Variants in TRAF5 observed in about 807,000 individuals in gnomAD.
TRAF5 encodes TNF receptor-associated factor 5.
Under a neutral mutation model 64.5 loss-of-function variants are expected in TRAF5, and 48 were observed. The ratio of observed to expected loss-of-function variants is 0.74; its 90% confidence interval spans 0.59 to 0.95. The LOEUF is 0.95. Ranked by LOEUF, TRAF5 falls within the 40% of genes least tolerant of loss-of-function variation. TRAF5 has a pLI of 0.00. For missense variants in TRAF5, 545 were observed against 662.8 expected, an observed-to-expected ratio of 0.82 and a Z score of 1.95; for synonymous variants, 206 against 240.5, an observed-to-expected ratio of 0.86 and a Z score of 1.33.
At chr1:211,341,044 G>C (rs1386409482) in intron 1 of TRAF5, among the ~76,000 whole-genome samples, 2 of 152,230 alleles carry the variant, frequency 1.3e-5, no homozygotes, top group African/African-American at 4.8e-5. Flanking sequence ...GAAGGGGGAA[G>C]GGGGAGAGAA....
intron 1 of TRAF5, among the ~76,000 whole-genome samples, chr1:211,352,441 TA>T (rs35728825): frequency 3.6e-3 from 275 of 76,122 alleles, no homozygotes; most frequent in East Asian, 4.8e-3. Flanking sequence ...TCACTGTCTC[TA>T]AAAAAAAAAA....
chr1:211,329,573 G>T (rs938426451), intron 1 of TRAF5, among the ~76,000 whole-genome samples: 3 of 152,146 alleles, frequency 2.0e-5, no homozygotes, highest in South Asian at 2.1e-4. Context: ...TCCAATTCCT[G>T]TGTTTTTCCC....
At position 211,374,561 on chromosome 1, in the gene TRAF5, G is replaced by C. The variant is rs545616415; in HGVS notation, c.*1859G>C. 16 of 152,320 alleles carry C rather than the reference G, an allele frequency of 1.1e-4. No individual in the cohort carries two copies. The highest frequency in any genetic ancestry group is 3.1e-4 in the African/African-American group (13 of 41,566). 9.4% of individuals were successfully genotyped at this position (152,320 alleles called of 1,614,324 possible). A position where few individuals can be genotyped will look rare whatever the true frequency, so the allele number is the denominator to read the frequency against. ...ACAACAGGAATATACTGAAGAACTA[G>C]AGTGTCACTGCTGGTGAACTGTGGC... is the stretch of plus-strand genomic sequence containing the variant. On this transcript the variant is annotated 3_prime_UTR_variant, in exon 11 of 11. Coordinates refer to ENST00000261464, the MANE Select transcript of TRAF5 (RefSeq NM_001033910.3).
At chr1:211,355,086 T>C (rs965136651) in intron 3 of TRAF5, among the ~76,000 whole-genome samples, 2 of 151,834 alleles carry the variant, frequency 1.3e-5, no homozygotes, top group East Asian at 3.9e-4. Flanking sequence ...GGCACAAGAA[T>C]CGCTTGAACC....
At position 211,360,965 on chromosome 1, in the gene TRAF5, C is replaced by G. The variant is rs748227934; in HGVS notation, c.622-123C>G. The G allele has an allele frequency of 6.5e-6, 7 of 1,068,936 alleles. No individual in the cohort carries two copies. In the Admixed American group the frequency reaches 8.3e-5, roughly 13 times the overall value. 66.2% of individuals were successfully genotyped at this position (1,068,936 alleles called of 1,614,324 possible). On this transcript the variant is annotated intron_variant, in intron 6 of 10. Transcript: ENST00000261464. ...TCTTCAACTTTCATCATAGCTCTTTCTTGCCAGGCCTCTCTCCTTCTCCTG... is the reference window on the plus strand; with the variant it reads ...TCTTCAACTTTCATCATAGCTCTTTGTTGCCAGGCCTCTCTCCTTCTCCTG...
intron 3 of TRAF5, 60 bp downstream of exon 3, chr1:211,354,527 A>G: frequency 6.4e-7 from 1 of 1,551,544 alleles, no homozygotes; most frequent in South Asian, 1.1e-5. Flanking sequence ...AAGTCAGTGA[A>G]TTGGACATTG....
chr1:211,349,034 TAA>T (rs373131975), intron 1 of TRAF5, among the ~76,000 whole-genome samples: 3 of 84,666 alleles, frequency 3.5e-5, no homozygotes, highest in Admixed American at 1.5e-4. Flanking sequence ...ACTCTGTCTC[TAA>T]AAAAAAAAAA....
At chr1:211,368,869 G>C (rs1013110289) in intron 8 of TRAF5, 1 of 152,248 alleles carries the variant, frequency 6.6e-6, no homozygotes, top group Admixed American at 6.5e-5. Flanking sequence ...CAACTCATAG[G>C]GTTCTTTGAG....
At chr1:211,345,277 T>C (rs941642110) in intron 1 of TRAF5, among the ~76,000 whole-genome samples, 1 of 152,028 alleles carries the variant, frequency 6.6e-6, no homozygotes, top group Admixed American at 6.6e-5. Context: ...GCTGGTCTCA[T>C]ACTCCTGAGC....
rs544146447 is a variant in TRAF5 at position 211,373,035 on chromosome 1, G to A, written c.*333G>A. 23 of 179,732 alleles carry A rather than the reference G, an allele frequency of 1.3e-4. No homozygotes were observed. Among genetic ancestry groups the A allele is most frequent in the African/African-American group, 5.4e-4 (23 of 42,316 alleles). The allele number at this position is 179,732 out of a possible 1,614,324, so 11.1% of individuals were successfully genotyped here. ...CACTCTAAATATTGAGTGTTATGGA[G>A]GACACAGAGGTAGCAGAATCCCAGT... On this transcript the variant is annotated 3_prime_UTR_variant, in exon 11 of 11. Transcript: ENST00000261464.
chr1:211,346,987 T>G (rs1405533835), intron 1 of TRAF5, among the ~76,000 whole-genome samples: 2 of 152,350 alleles, frequency 1.3e-5, no homozygotes, highest in Middle Eastern at 6.8e-3. Flanking sequence ...TTAACAACTC[T>G]TCAGTAGGAG....
chr1:211,327,026 G>A, intron 1 of TRAF5, 137 bp downstream of exon 1: 1 of 743,898 alleles, frequency 1.3e-6, no homozygotes, highest in Non-Finnish European at 1.6e-6. Context: ...GTCCCCGACC[G>A]GCGGGGAGGG....
Position 211,369,399 on chromosome 1 carries a change from A to G in TRAF5, c.790-53A>G, listed in dbSNP as rs540112651. The G allele has an allele frequency of 8.5e-6, 12 of 1,415,224 alleles. No individual in the cohort carries two copies. In the South Asian group the frequency reaches 1.8e-4, roughly 21 times the overall value. The allele number at this position is 1,415,224 out of a possible 1,614,324, so 87.7% of individuals were successfully genotyped here. Reference sequence around the variant, plus strand: ...GCAAGTGCATGCATATTTTAACTATATGCATGCAGTTATATTCAGTGACTT... The same window carrying G: ...GCAAGTGCATGCATATTTTAACTATGTGCATGCAGTTATATTCAGTGACTT... On this transcript the variant is annotated intron_variant, in intron 8 of 10. Coordinates refer to ENST00000261464, the MANE Select transcript of TRAF5 (RefSeq NM_001033910.3).
At chr1:211,363,172 C>T (rs1219865486) in intron 7 of TRAF5, among the ~76,000 whole-genome samples, 1 of 151,958 alleles carries the variant, frequency 6.6e-6, no homozygotes, top group Non-Finnish European at 1.5e-5. Flanking sequence ...ACACATTGAC[C>T]CTGCATTTCT....
At position 211,356,380 on chromosome 1, in the gene TRAF5, A is replaced by G; in HGVS notation, c.290A>G (p.Asn97Ser). The change falls in exon 4 of 11, where the codon AAT (asparagine) becomes AGT (serine). Residue 97 changes from asparagine to serine, a missense_variant. Coordinates refer to ENST00000261464, the MANE Select transcript of TRAF5 (RefSeq NM_001033910.3). Reference protein sequence around the residue: ...VIKSQEVFKDNCCKREVLNLY... With the variant: ...VIKSQEVFKDSCCKREVLNLY... ...TTTATCTTTTAGGTTTTTAAAGACA[A>G]TTGTTGCAAAAGAGAAGTCCTCAAC... is the stretch of plus-strand genomic sequence containing the variant. 6.2e-7 allele frequency: 1 copy of G among 1,613,934 alleles called. No homozygotes were observed. Among genetic ancestry groups the G allele is most frequent in the Non-Finnish European group, 8.5e-7 (1 of 1,179,852 alleles).
intron 1 of TRAF5, among the ~76,000 whole-genome samples, chr1:211,335,508 T>C (rs912272447): frequency 2.0e-5 from 3 of 152,212 alleles, no homozygotes; most frequent in African/African-American, 7.2e-5. Flanking sequence ...AGACTATTAT[T>C]GAACAGATAA....
At chr1:211,327,754 AG>A in intron 1 of TRAF5, among the ~76,000 whole-genome samples, 1 of 152,226 alleles carries the variant, frequency 6.6e-6, no homozygotes, top group Admixed American at 6.5e-5. Flanking sequence ...ATGAGAACTC[AG>A]TTATCTCGCT....
intron 1 of TRAF5, among the ~76,000 whole-genome samples, chr1:211,328,829 C>A (rs1303025958): frequency 6.6e-6 from 1 of 152,236 alleles, no homozygotes; most frequent in Non-Finnish European, 1.5e-5. Context: ...GTTCTCATTT[C>A]GTCCTCCATG....
Position 211,372,427 on chromosome 1 carries a change from C to T in TRAF5, c.1399C>T (p.Arg467Ter), listed in dbSNP as rs1367758188. Residue 467 changes from arginine to a stop codon, truncating the protein, a stop_gained, in exon 11 of 11, where the codon CGA becomes TGA. Coordinates refer to ENST00000261464, the MANE Select transcript of TRAF5 (RefSeq NM_001033910.3). LOFTEE classifies it high-confidence loss of function. ...SHLSLYFVVM[R>*]GEFDSLLQWP... is the part of the protein sequence containing the mutation. ...CCTGTCCCTATACTTTGTGGTCATG[C>T]GAGGAGAGTTTGACTCACTGTTGCA... is the stretch of plus-strand genomic sequence containing the variant. The T allele has an allele frequency of 5.0e-6, 8 of 1,613,938 alleles. No homozygotes were observed. The highest frequency in any genetic ancestry group is 1.3e-5 in the African/African-American group (1 of 74,878).
Sources: gnomAD v4.1 joint callset for allele counts (sites outside exome capture counted in the v4.1 genomes callset) on GRCh38, gnomAD v4.1.1 for gene constraint, MANE v1.5 for transcripts, NCBI Gene and HGNC (gene_info 2026-07-23, HGNC 2026-07-21) for gene names.